Variants in TNNI3K observed in about 807,000 individuals in gnomAD.
The protein encoded by TNNI3K is TNNI3 interacting kinase.
In TNNI3K, 140 loss-of-function variants were observed where a neutral mutation model predicts 114.5. That is an observed-to-expected ratio of 1.22 (90% CI 1.07 to 1.41). The LOEUF is 1.41. TNNI3K is among the 40% of genes most tolerant of loss of function. The pLI, the probability that TNNI3K is intolerant of heterozygous loss-of-function variation, is 0.00. For missense variants in TNNI3K, 1,125 were observed against 1,007.6 expected (o/e 1.12, Z -1.58); for synonymous variants, 347 against 347.5 (o/e 1.00, Z 0.02).
intron 17 of TNNI3K, among the ~76,000 whole-genome samples, chr1:74,398,560 T>C (rs999651275): frequency 1.3e-5 from 2 of 152,220 alleles, no homozygotes. Context: ...ATGCCCAAAA[T>C]AGGGAGACTA....
intron 23 of TNNI3K, among the ~76,000 whole-genome samples, chr1:74,527,766 C>G (rs542572055): frequency 2.0e-5 from 3 of 152,278 alleles, no homozygotes; most frequent in Non-Finnish European, 4.4e-5. Flanking sequence ...TATCTCTTCC[C>G]TTCCCTTCAT....
intron 17 of TNNI3K, among the ~76,000 whole-genome samples, chr1:74,395,952 T>C (rs532901260): frequency 1.2e-4 from 19 of 152,166 alleles, no homozygotes; most frequent in African/African-American, 3.4e-4. Context: ...CAGATGAGGA[T>C]TGAGTGTGCC....
intron 5 of TNNI3K, among the ~76,000 whole-genome samples, chr1:74,308,843 A>G (rs543786956): frequency 6.6e-6 from 1 of 152,194 alleles, no homozygotes; most frequent in Non-Finnish European, 1.5e-5. Flanking sequence ...CCACAGAAAT[A>G]CAAAAGATTC....
At chr1:74,453,773 A>T (rs1407864608) in intron 20 of TNNI3K, among the ~76,000 whole-genome samples, 3 of 152,204 alleles carry the variant, frequency 2.0e-5, no homozygotes, top group Non-Finnish European at 4.4e-5. Context: ...GACCATGCAG[A>T]TGCTCAAGGC....
intron 5 of TNNI3K, among the ~76,000 whole-genome samples, chr1:74,298,727 G>A (rs1658139299): frequency 6.6e-6 from 1 of 152,004 alleles, no homozygotes; most frequent in Non-Finnish European, 1.5e-5. Context: ...GCCTTATGCG[G>A]GAGTTGCATC....
chr1:74,305,652 G>A (rs1658587512), intron 5 of TNNI3K, among the ~76,000 whole-genome samples: 3 of 152,078 alleles, frequency 2.0e-5, no homozygotes, highest in Admixed American at 6.6e-5. Context: ...TCTGCTCTTG[G>A]CCCAACAGTA....
chr1:74,386,592 A>G (rs929112687), intron 17 of TNNI3K, among the ~76,000 whole-genome samples: 15 of 152,184 alleles, frequency 9.9e-5, no homozygotes, highest in Non-Finnish European at 2.9e-5. Flanking sequence ...TAATAAATAT[A>G]AAATCAGACT....
intron 5 of TNNI3K, among the ~76,000 whole-genome samples, chr1:74,305,463 C>T (rs1408425702): frequency 6.6e-6 from 1 of 152,170 alleles, no homozygotes; most frequent in Non-Finnish European, 1.5e-5. Flanking sequence ...AGCTCAGAAA[C>T]TAGAAAACCC....
At chr1:74,256,365 C>A (rs1655310038) in intron 4 of TNNI3K, among the ~76,000 whole-genome samples, 1 of 98,518 alleles carries the variant, frequency 1.0e-5, no homozygotes, top group South Asian at 3.6e-4. Context: ...TTTTAATTTG[C>A]ATTTCCCTGA....
intron 11 of TNNI3K, among the ~76,000 whole-genome samples, chr1:74,358,260 A>G (rs1395611566): frequency 6.6e-6 from 1 of 152,124 alleles, no homozygotes; most frequent in East Asian, 1.9e-4. Context: ...CCAGAATACA[A>G]TATTTGTATA....
At chr1:74,406,405 C>A (rs1359422451) in intron 17 of TNNI3K, among the ~76,000 whole-genome samples, 2 of 152,108 alleles carry the variant, frequency 1.3e-5, no homozygotes, top group Non-Finnish European at 2.9e-5. Flanking sequence ...TCCAGTGTGG[C>A]CCAGGGAAGC....
intron 21 of TNNI3K, among the ~76,000 whole-genome samples, chr1:74,485,403 G>C (rs1216817288): frequency 6.6e-6 from 1 of 152,094 alleles, no homozygotes; most frequent in African/African-American, 2.4e-5. Context: ...GTGGTTCAGG[G>C]GCAAACCAGA....
chr1:74,384,910 G>T (rs2100555616), intron 17 of TNNI3K, among the ~76,000 whole-genome samples: 1 of 152,192 alleles, frequency 6.6e-6, no homozygotes, highest in Non-Finnish European at 1.5e-5. Context: ...CTCTGATAAG[G>T]ATTTTTGTTA....
chr1:74,518,381 T>G (rs1198145811), intron 23 of TNNI3K, among the ~76,000 whole-genome samples: 1 of 152,152 alleles, frequency 6.6e-6, no homozygotes, highest in Non-Finnish European at 1.5e-5. Flanking sequence ...TTTATGAGAT[T>G]TCCACAGCAT....
chr1:74,497,602 A>G (rs980626283), intron 23 of TNNI3K, among the ~76,000 whole-genome samples: 37 of 151,374 alleles, frequency 2.4e-4, no homozygotes, highest in African/African-American at 8.0e-4. Context: ...ACACACACAC[A>G]TCTACACACA....
intron 23 of TNNI3K, among the ~76,000 whole-genome samples, chr1:74,520,830 G>A (rs1415098395): frequency 6.6e-6 from 1 of 152,096 alleles, no homozygotes; most frequent in Admixed American, 6.6e-5. Context: ...GGGCTAAGAA[G>A]CCCCTTATGA....
chr1:74,338,939 G>C (rs567843417), intron 7 of TNNI3K, among the ~76,000 whole-genome samples: 1 of 152,180 alleles, frequency 6.6e-6, no homozygotes, highest in African/African-American at 2.4e-5. Context: ...TGTTAGTCTA[G>C]AATAGGCACA....
intron 9 of TNNI3K, among the ~76,000 whole-genome samples, chr1:74,349,121 T>C (rs987554737): frequency 1.3e-5 from 2 of 152,318 alleles, no homozygotes; most frequent in Admixed American, 1.3e-4. Flanking sequence ...CAGTATGATA[T>C]TGGCTGTGGG....
At chr1:74,428,288 T>TTGAA (rs1665729236) in intron 17 of TNNI3K, among the ~76,000 whole-genome samples, 1 of 152,088 alleles carries the variant, frequency 6.6e-6, no homozygotes, top group Admixed American at 6.6e-5. Flanking sequence ...TTGGGAGCTA[T>TTGAA]TGAATGGTCA....
Sources: allele counts gnomAD v4.1 joint callset (sites outside exome capture counted in the v4.1 genomes callset), GRCh38; gene constraint gnomAD v4.1.1; transcripts MANE v1.5; gene names NCBI Gene and HGNC (gene_info 2026-07-23, HGNC 2026-07-21).